The following PPP1R16B variants were observed in gnomAD, a reference collection of about 807,000 sequenced individuals.
The protein encoded by PPP1R16B is protein phosphatase 1 regulatory subunit 16B, also known as protein phosphatase 1 regulatory inhibitor subunit 16B.
A neutral mutation model predicts 61.7 loss-of-function variants in PPP1R16B; 14 were observed. The ratio of observed to expected loss-of-function variants is 0.23; its 90% CI spans 0.15 to 0.35. PPP1R16B has a LOEUF of 0.35. Among genes scored for constraint, PPP1R16B ranks in the 10% least tolerant of loss-of-function variants. PPP1R16B has a pLI of 1.00. For synonymous variants in PPP1R16B, 266 were observed against 305.3 expected, an observed-to-expected ratio of 0.87 and a Z score of 1.34; for missense variants, 547 against 752.5, an observed-to-expected ratio of 0.73 and a Z score of 3.19.
chr20:38,871,688 G>A (rs2085131180), intron 2 of PPP1R16B, among the ~76,000 whole-genome samples: 1 of 148,956 alleles, frequency 6.7e-6, no homozygotes, highest in African/African-American at 2.5e-5. Context: ...GAGGGAGGGA[G>A]GGAAAGAAAG....
At chr20:38,915,064 AC>A (rs1243674574) in intron 10 of PPP1R16B, among the ~76,000 whole-genome samples, 1 of 151,010 alleles carries the variant, frequency 6.6e-6, no homozygotes, top group Non-Finnish European at 1.5e-5. Context: ...TCCCATATAC[AC>A]CCCCCTCCAC....
At position 38,902,802 on chromosome 20, in the gene PPP1R16B, T is replaced by G. The variant is rs1374602087; in HGVS notation, c.696+10T>G. ...CCAGGGTGCCACACTGGTGAGGAGA[T>G]GGGCCAGTACCAAAACCAAGACCAG... On this transcript the variant is annotated intron_variant, in intron 6 of 10. Coordinates refer to ENST00000299824, the MANE Select transcript of PPP1R16B (RefSeq NM_015568.4). 1.2e-5 allele frequency: 19 copies of G among 1,614,004 alleles called. No individual in the cohort carries two copies. Among genetic ancestry groups the G allele is most frequent in the Non-Finnish European group, 1.6e-5 (19 of 1,180,020 alleles).
chr20:38,823,003 C>G (rs548690376), intron 1 of PPP1R16B, among the ~76,000 whole-genome samples: 1 of 152,142 alleles, frequency 6.6e-6, no homozygotes, highest in South Asian at 2.1e-4. Flanking sequence ...AAAGGAAATA[C>G]AACCGGTGAG....
At chr20:38,852,768 T>TTGGG (rs1601257219) in intron 2 of PPP1R16B, among the ~76,000 whole-genome samples, 3 of 62,332 alleles carry the variant, frequency 4.8e-5, no homozygotes, top group African/African-American at 6.7e-5. Flanking sequence ...TTTTTTTTTT[T>TTGGG]GCGGGGGGTG....
At chr20:38,912,096 CT>C (rs35770847) in intron 10 of PPP1R16B, among the ~76,000 whole-genome samples, 1,429 of 127,422 alleles carry the variant, frequency 0.011, 11 homozygotes, top group African/African-American at 0.027. Flanking sequence ...TATAGTCAGT[CT>C]TTTTTTTTTT....
intron 10 of PPP1R16B, among the ~76,000 whole-genome samples, chr20:38,912,552 T>C (rs919589696): frequency 2.1e-4 from 32 of 149,368 alleles, no homozygotes; most frequent in Admixed American, 1.1e-3. Context: ...GGTGTGTACC[T>C]GTAGTCTTAG....
At chr20:38,817,619 C>G (rs1056375008) in intron 1 of PPP1R16B, among the ~76,000 whole-genome samples, 4 of 150,754 alleles carry the variant, frequency 2.7e-5, no homozygotes, top group Non-Finnish European at 5.9e-5. Flanking sequence ...TGAGACAAGG[C>G]AAGTGCTGAG....
At chr20:38,873,849 C>T (rs1318714576) in intron 2 of PPP1R16B, among the ~76,000 whole-genome samples, 2 of 151,826 alleles carry the variant, frequency 1.3e-5, no homozygotes, top group Non-Finnish European at 2.9e-5. Flanking sequence ...CTACCTCAGC[C>T]TCCCAGGTAG....
chr20:38,876,843 G>A (rs1295155666), intron 2 of PPP1R16B, among the ~76,000 whole-genome samples: 3 of 152,132 alleles, frequency 2.0e-5, no homozygotes, highest in Admixed American at 6.5e-5. Context: ...TGATTATAAA[G>A]GTAGTACATA....
At chr20:38,827,623 C>T (rs2084812723) in intron 1 of PPP1R16B, among the ~76,000 whole-genome samples, 1 of 152,098 alleles carries the variant, frequency 6.6e-6, no homozygotes, top group East Asian at 1.9e-4. Flanking sequence ...TCTATGATGG[C>T]AATGCCCAAA....
intron 3 of PPP1R16B, among the ~76,000 whole-genome samples, chr20:38,892,188 G>A (rs1601294686): frequency 6.6e-6 from 1 of 152,066 alleles, no homozygotes; most frequent in Non-Finnish European, 1.5e-5. Context: ...CTGTTGAGTT[G>A]CCATCCCTGC....
chr20:38,806,721 C>T lies in PPP1R16B; in HGVS notation c.-102+929C>T, dbSNP rs2084664361. Reference sequence around the variant, plus strand: ...AGACTCCCTTCCTCCGCTCCCCCACCCCGGCCCGGCCTCCAGCTTCACTGG... The same window carrying T: ...AGACTCCCTTCCTCCGCTCCCCCACTCCGGCCCGGCCTCCAGCTTCACTGG... On this transcript the variant is annotated intron_variant, in intron 1 of 10. Coordinates refer to ENST00000299824, the MANE Select transcript of PPP1R16B (RefSeq NM_015568.4). The surrounding 1 kb of genome is among the most constrained non-coding windows in gnomAD (Gnocchi z 4.5). Among the ~76,000 whole-genome samples, 7 of 152,168 alleles carry T rather than the reference C, an allele frequency of 4.6e-5. No individual in the cohort carries two copies. The South Asian group carries it at 1.4e-3, about 31-fold the overall frequency.
chr20:38,884,215 C>T (rs1192693637), intron 2 of PPP1R16B, among the ~76,000 whole-genome samples: 1 of 152,198 alleles, frequency 6.6e-6, no homozygotes, highest in Middle Eastern at 3.2e-3. Context: ...GGACCCCTGG[C>T]GTGGCTGAGC....
At position 38,922,042 on chromosome 20, in the gene PPP1R16B, C is replaced by T. The variant is rs2085603337; in HGVS notation, c.*3376C>T. The T allele has an allele frequency of 6.6e-6, 1 of 152,252 alleles. No homozygotes were observed. Among genetic ancestry groups the T allele is most frequent in the South Asian group, 2.1e-4 (1 of 4,834 alleles). The allele number at this position is 152,252 out of a possible 1,614,324, so 9.4% of individuals were successfully genotyped here. On this transcript the variant is annotated 3_prime_UTR_variant, in exon 11 of 11. Coordinates refer to ENST00000299824, the MANE Select transcript of PPP1R16B (RefSeq NM_015568.4). ...CTGCATGGCTCACCATCATATGCCC[C>T]AAACAACTGAAAGTTGGCGGTTATC...
intron 2 of PPP1R16B, among the ~76,000 whole-genome samples, chr20:38,856,625 C>A (rs116249069): frequency 1.3e-5 from 2 of 152,178 alleles, no homozygotes; most frequent in African/African-American, 4.8e-5. Context: ...CACCTTCATC[C>A]TTCTCTCAAC....
Position 38,895,813 on chromosome 20 carries a change from C to T in PPP1R16B, c.467+103C>T, listed in dbSNP as rs867070443. ...TCCCTCCTTCCTTCTTTCTCTCCTC[C>T]CTTCCTCCTTCCTTCTTTCTCTCCT... On this transcript the variant is annotated intron_variant, in intron 4 of 10. Coordinates refer to ENST00000299824, the MANE Select transcript of PPP1R16B (RefSeq NM_015568.4). 697 of 1,050,342 alleles carry T rather than the reference C, an allele frequency of 6.6e-4. 5 individuals carry two copies. The highest frequency in any genetic ancestry group is 1.8e-3 in the African/African-American group (95 of 54,234). 65.1% of individuals were successfully genotyped at this position (1,050,342 alleles called of 1,614,324 possible). A position where few individuals can be genotyped will look rare whatever the true frequency, so the allele number is the denominator to read the frequency against.
In PPP1R16B at chr20:38,906,105, C is replaced by A; in HGVS notation, c.822+11C>A. On this transcript the variant is annotated intron_variant, in intron 7 of 10. Coordinates refer to ENST00000299824, the MANE Select transcript of PPP1R16B (RefSeq NM_015568.4). ...GCCTTCTGGGGACAGGTAGTTCTCA[C>A]CCACAGGGCTGTGGGGGAGGCCGGC... 6.2e-7 allele frequency: 1 copy of A among 1,610,994 alleles called. No homozygotes were observed. The highest frequency in any genetic ancestry group is 8.5e-7 in the Non-Finnish European group (1 of 1,179,348).
At chr20:38,874,895 G>A (rs1198564082) in intron 2 of PPP1R16B, among the ~76,000 whole-genome samples, 1 of 152,178 alleles carries the variant, frequency 6.6e-6, no homozygotes, top group Admixed American at 6.5e-5. Context: ...GCTCATTAGA[G>A]CCTGCCTCAC....
intron 10 of PPP1R16B, among the ~76,000 whole-genome samples, chr20:38,914,018 C>G (rs1245668892): frequency 6.6e-6 from 1 of 152,028 alleles, no homozygotes; most frequent in East Asian, 1.9e-4. Context: ...ATGGCGAAAC[C>G]CTGTCTCTAC....
Sources: gnomAD v4.1 joint callset for allele counts (sites outside exome capture counted in the v4.1 genomes callset) on GRCh38, gnomAD v4.1.1 for gene constraint, Gnocchi (gnomAD v3.1) non-coding constraint, MANE v1.5 for transcripts, NCBI Gene and HGNC (gene_info 2026-07-23, HGNC 2026-07-21) for gene names.